The following TENM3 variants were observed in gnomAD, a reference collection of about 807,000 sequenced individuals.
TENM3 encodes teneurin transmembrane protein 3.
In TENM3, 63 loss-of-function variants were observed where a neutral mutation model predicts 255.1. The observed-to-expected ratio is 0.25, with a 90% CI of 0.20 to 0.30. The LOEUF (loss-of-function observed/expected upper bound fraction) is 0.30, where lower values mean the gene tolerates loss of function less well. Among genes scored for constraint, TENM3 ranks in the 10% least tolerant of loss-of-function variants. The pLI is 1.00. For missense variants in TENM3, 2,929 were observed against 3,461.1 expected (o/e 0.85, Z 3.86); for synonymous variants, 1,306 against 1,322.3 (o/e 0.99, Z 0.27).
intron 1 of TENM3, among the ~76,000 whole-genome samples, chr4:182,320,812 A>G (rs972011134): frequency 6.6e-6 from 1 of 152,164 alleles, no homozygotes; most frequent in African/African-American, 2.4e-5. Flanking sequence ...CTTTACTTAC[A>G]AAAACAGGTG....
At chr4:182,649,263 T>G (rs1753037192) in intron 5 of TENM3, among the ~76,000 whole-genome samples, 1 of 150,548 alleles carries the variant, frequency 6.6e-6, no homozygotes, top group African/African-American at 2.4e-5. Context: ...TTGGACAACT[T>G]CTTATTATAT....
intron 4 of TENM3, among the ~76,000 whole-genome samples, chr4:182,605,071 G>C (rs1036584821): frequency 2.0e-5 from 3 of 152,016 alleles, no homozygotes; most frequent in African/African-American, 7.2e-5. Context: ...ACACACACCG[G>C]GTCTGAGTCA....
At chr4:182,577,463 A>G (rs2152043193) in intron 3 of TENM3, among the ~76,000 whole-genome samples, 1 of 152,330 alleles carries the variant, frequency 6.6e-6, no homozygotes, top group Non-Finnish European at 1.5e-5. Context: ...CAGATTGGAT[A>G]TCAGCCCACG....
chr4:181,950,082 C>A, the TENM3 span, among the ~76,000 whole-genome samples: 1 of 152,148 alleles, frequency 6.6e-6, no homozygotes, highest in Non-Finnish European at 1.5e-5. Flanking sequence ...TATGCCCTGC[C>A]CCACCTTAAC....
chr4:181,474,288 C>T, the TENM3 span, among the ~76,000 whole-genome samples: 2 of 144,532 alleles, frequency 1.4e-5, no homozygotes, highest in Admixed American at 1.4e-4. Context: ...ATGTTCTGCA[C>T]ATGTACCCCC....
intron 16 of TENM3, among the ~76,000 whole-genome samples, chr4:182,735,540 T>G (rs1008258321): frequency 3.3e-5 from 5 of 152,202 alleles, no homozygotes; most frequent in Non-Finnish European, 7.4e-5. Flanking sequence ...TGCTGAACAC[T>G]GAATCACTAT....
chr4:181,627,618 G>C, the TENM3 span, among the ~76,000 whole-genome samples: 5 of 152,112 alleles, frequency 3.3e-5, no homozygotes, highest in South Asian at 4.1e-4. Flanking sequence ...AGTTTGCTGA[G>C]AATGATGGTT....
chr4:181,908,842 T>C, the TENM3 span, among the ~76,000 whole-genome samples: 16 of 152,358 alleles, frequency 1.1e-4, no homozygotes, highest in South Asian at 3.1e-3. Context: ...ACACTAAATA[T>C]ACCTCAAAGA....
chr4:181,664,210 G>A, the TENM3 span, among the ~76,000 whole-genome samples: 3 of 152,142 alleles, frequency 2.0e-5, no homozygotes, highest in Admixed American at 1.3e-4. Flanking sequence ...GCTCACTCCT[G>A]TAATCCCAGC....
chr4:182,767,632 G>A (rs146470409), intron 22 of TENM3, among the ~76,000 whole-genome samples: 12 of 152,176 alleles, frequency 7.9e-5, no homozygotes, highest in East Asian at 3.9e-4. Context: ...TATACACTAC[G>A]TATACTATAT....
At chr4:182,363,521 G>A (rs562329948) in intron 3 of TENM3, among the ~76,000 whole-genome samples, 1 of 151,706 alleles carries the variant, frequency 6.6e-6, no homozygotes, top group South Asian at 2.1e-4. Flanking sequence ...TTTTGCACTA[G>A]CAATGTTCTT....
chr4:181,612,389 G>C, the TENM3 span, among the ~76,000 whole-genome samples: 2 of 152,116 alleles, frequency 1.3e-5, no homozygotes, highest in African/African-American at 4.8e-5. Context: ...GCCCAGGGGG[G>C]AAATCAAATG....
the TENM3 span, among the ~76,000 whole-genome samples, chr4:181,634,030 G>T: frequency 6.6e-6 from 1 of 152,122 alleles, no homozygotes; most frequent in African/African-American, 2.4e-5. Flanking sequence ...TCCATCTTCA[G>T]TTCAGCCACA....
intron 3 of TENM3, among the ~76,000 whole-genome samples, chr4:182,402,074 C>T (rs575735289): frequency 7.2e-5 from 11 of 152,264 alleles, no homozygotes; most frequent in African/African-American, 1.7e-4. Context: ...CACGTGGCAG[C>T]GTGAAACGGT....
the TENM3 span, among the ~76,000 whole-genome samples, chr4:181,918,698 TCTC>T: frequency 5.9e-5 from 9 of 152,068 alleles, no homozygotes; most frequent in East Asian, 1.9e-4. Flanking sequence ...CTGCTTGACT[TCTC>T]CTTTAAAAAA....
At chr4:182,352,097 C>A (rs6815536) in intron 3 of TENM3, among the ~76,000 whole-genome samples, 24,285 of 151,668 alleles carry the variant, frequency 0.16, 2,545 homozygotes, top group Non-Finnish European at 0.24. Context: ...CTCCTCCTCC[C>A]CTCCCCCACT....
At chr4:181,932,260 A>C in the TENM3 span, among the ~76,000 whole-genome samples, 6 of 152,334 alleles carry the variant, frequency 3.9e-5, no homozygotes, top group Non-Finnish European at 1.5e-5. Context: ...AATTTTTGCT[A>C]TCTATCCATC....
In TENM3 at chr4:182,710,343, A is replaced by C. The variant is rs143147746; in HGVS notation, c.2222-3744A>C. Among the ~76,000 whole-genome samples the C allele has an allele frequency of 5.6e-3, 860 of 152,312 alleles. 6 individuals carry two copies. The highest frequency in any genetic ancestry group is 0.019 in the African/African-American group (808 of 41,558). Reference sequence around the variant, plus strand: ...ATAGCATGGAGAAGGAATTATAAAGAAATTATATGAATGTTATGCAGTAAT... The same window carrying C: ...ATAGCATGGAGAAGGAATTATAAAGCAATTATATGAATGTTATGCAGTAAT... On this transcript the variant is annotated intron_variant, in intron 12 of 27. Coordinates refer to ENST00000511685, the MANE Select transcript of TENM3 (RefSeq NM_001080477.4).
chr4:182,153,755 A>G (rs1750506060), intron 1 of TENM3, among the ~76,000 whole-genome samples: 2 of 152,256 alleles, frequency 1.3e-5, no homozygotes, highest in Non-Finnish European at 2.9e-5. Flanking sequence ...GAATCTTAAC[A>G]TATCAAGTTT....
Sources: allele counts gnomAD v4.1 joint callset (sites outside exome capture counted in the v4.1 genomes callset), GRCh38; gene constraint gnomAD v4.1.1; transcripts MANE v1.5; gene names NCBI Gene and HGNC (gene_info 2026-07-23, HGNC 2026-07-21).